DHODH: variants seen among roughly 807,000 people sequenced by gnomAD.
DHODH encodes the protein dihydroorotate dehydrogenase (quinone).
Under a neutral mutation model 39.7 loss-of-function variants are expected in DHODH, and 30 were observed. The observed-to-expected ratio is 0.76, with a 90% confidence interval of 0.57 to 1.02. The LOEUF (loss-of-function observed/expected upper bound fraction) is 1.02. DHODH is among the 50% of genes least tolerant of loss of function. The pLI, the probability that DHODH is intolerant of heterozygous loss-of-function variation, is 0.00. For missense variants in DHODH, 531 were observed against 520.8 expected, an observed-to-expected ratio of 1.02 and a Z score of -0.19; for synonymous variants, 222 against 213.8, an observed-to-expected ratio of 1.04 and a Z score of -0.34.
At chr16:72,022,274 G>A in intron 5 of DHODH, 88 bp from the exon 6 acceptor site, 1 of 953,944 alleles carries the variant, frequency 1.0e-6, no homozygotes, top group African/African-American at 1.6e-5. Context: ...CGCTATTGTG[G>A]AAACCCACTG....
In DHODH at chr16:72,021,210, G is replaced by T. The variant is rs757910086; in HGVS notation, c.604G>T (p.Gly202Cys). 1 of 1,611,652 alleles carries T rather than the reference G, an allele frequency of 6.2e-7. No individual in the cohort carries two copies. The highest frequency in any genetic ancestry group is 8.5e-7 in the Non-Finnish European group (1 of 1,179,154). The change falls in exon 5 of 9, where the codon GGC becomes TGC. Residue 202 changes from glycine (G) to cysteine (C), a missense_variant. Gly to Cys is a radical substitution (Grantham distance 159, BLOSUM62 -3). Transcript: ENST00000219240. The part of the protein sequence containing the change: ...EDYAEGVRVL[G>C]PLADYLVVNV... ...CTACGCAGAAGGGGTGCGCGTACTG[G>T]GCCCCCTGGCCGACTACCTGGTGGT...
chr16:72,009,514 A>G, intron 1 of DHODH, among the ~76,000 whole-genome samples: 1 of 143,494 alleles, frequency 7.0e-6, no homozygotes, highest in Non-Finnish European at 1.5e-5. Context: ...CGTCTCAAAA[A>G]AAAAAAAAAA....
At chr16:72,008,927 C>CT in intron 1 of DHODH, 142 bp downstream of exon 1, 1 of 1,527,914 alleles carries the variant, frequency 6.5e-7, no homozygotes, top group Non-Finnish European at 8.8e-7. Flanking sequence ...TTTCCGGGGT[C>CT]TCCTGCAAAT....
chr16:72,010,950 G>T (rs2335386), intron 1 of DHODH, among the ~76,000 whole-genome samples: 152,023 of 152,240 alleles, frequency 1, 75,903 homozygotes, highest in Middle Eastern at 1. Context: ...GGTCTCAAGC[G>T]CCTGAGCTCA....
chr16:72,022,455 A>AT lies in DHODH; in HGVS notation c.801dup (p.Ala268CysfsTer32). The AT allele has an allele frequency of 6.4e-7, 1 of 1,554,324 alleles. No individual in the cohort carries two copies. Among genetic ancestry groups the AT allele is most frequent in the Non-Finnish European group, 8.7e-7 (1 of 1,148,636 alleles). On this transcript the variant is annotated frameshift_variant, in exon 6 of 9. Coordinates refer to ENST00000219240, the MANE Select transcript of DHODH (RefSeq NM_001361.5). LOFTEE classifies it high-confidence loss of function. ...CCTCACCAGCCAGGATAAGGAGGACATTGCCAGTGTGGTCAAAGAGGTTTG... is the reference window on the plus strand; with the variant it reads ...CCTCACCAGCCAGGATAAGGAGGACATTTGCCAGTGTGGTCAAAGAGGTTTG...
Position 72,021,300 on chromosome 16 carries a change from C to A in DHODH, c.694C>A (p.Leu232Met). ...SLQGKAELRR[L>M]LTKVLQERDG... The stretch of plus-strand genomic sequence containing the variant: ...TCAGGGAAAGGCCGAGCTGCGCCGC[C>A]TGCTGACCAAGGTGGGCAGCTGCAC... Residue 232 changes from leucine to methionine, a missense_variant, in exon 5 of 9, where the codon CTG becomes ATG. Coordinates refer to ENST00000219240, the MANE Select transcript of DHODH (RefSeq NM_001361.5). 6.2e-7 allele frequency: 1 copy of A among 1,606,870 alleles called. No homozygotes were observed. Among genetic ancestry groups the A allele is most frequent in the Non-Finnish European group, 8.5e-7 (1 of 1,178,080 alleles).
chr16:72,024,041 GC>G (rs1238981223), intron 8 of DHODH, 103 bp from the exon 9 acceptor site: 26 of 1,190,732 alleles, frequency 2.2e-5, no homozygotes, highest in Non-Finnish European at 3.1e-5. Flanking sequence ...AACCAGATGT[GC>G]CTGGGCCGGG....
chr16:72,022,753 C>T (rs1056205173), intron 6 of DHODH, among the ~76,000 whole-genome samples: 2 of 152,204 alleles, frequency 1.3e-5, no homozygotes, highest in African/African-American at 4.8e-5. Flanking sequence ...TTGACTGGGA[C>T]TGAAAATTCT....
Position 72,017,111 on chromosome 16 carries a change from A to G in DHODH, c.517+5A>G, listed in dbSNP as rs1379257925. On this transcript the variant is annotated splice_donor_5th_base_variant and intron_variant, in intron 4 of 8. Transcript: ENST00000219240. ...AGCAGGCCAAGCTCACAGAAGGTAA[A>G]GTGGGGTTGTGTCAGTGGGCCTTTC... The G allele has an allele frequency of 1.2e-6, 2 of 1,613,920 alleles. No individual in the cohort carries two copies. The highest frequency in any genetic ancestry group is 1.1e-5 in the South Asian group (1 of 91,080).
chr16:72,015,425 AG>A (rs1000254272), intron 3 of DHODH, among the ~76,000 whole-genome samples: 1 of 152,248 alleles, frequency 6.6e-6, no homozygotes, highest in African/African-American at 2.4e-5. Context: ...GACTGTATAA[AG>A]CCCTTCCCTT....
At chr16:72,015,191 T>G (rs1408512458) in intron 3 of DHODH, among the ~76,000 whole-genome samples, 1 of 152,224 alleles carries the variant, frequency 6.6e-6, no homozygotes, top group Non-Finnish European at 1.5e-5. Flanking sequence ...CCATAAAAAG[T>G]ATTAATTCGC....
intron 4 of DHODH, chr16:72,020,331 A>ATATATATATATATATATATGTG (rs2041191893): frequency 1.1e-4 from 3 of 26,096 alleles, no homozygotes; most frequent in Admixed American, 6.5e-4. Context: ...GTATATGTGT[A>ATATATATATATATATATATGTG]TATATATATA....
intron 1 of DHODH, among the ~76,000 whole-genome samples, chr16:72,011,311 C>A (rs909322063): frequency 6.6e-6 from 1 of 152,160 alleles, no homozygotes; most frequent in Non-Finnish European, 1.5e-5. Context: ...GTACAGTTGT[C>A]CCTCAATTTA....
At chr16:72,009,154 T>C (rs2041053843) in intron 1 of DHODH, 3 of 1,122,396 alleles carry the variant, frequency 2.7e-6, no homozygotes, top group African/African-American at 1.6e-5. Flanking sequence ...TTAGGTAAAG[T>C]TTTGTTAGGG....
chr16:72,011,800 T>C (rs1311183747), intron 1 of DHODH, among the ~76,000 whole-genome samples: 2 of 152,160 alleles, frequency 1.3e-5, no homozygotes, highest in Non-Finnish European at 2.9e-5. Flanking sequence ...ACGATCACCC[T>C]AGGGGACAGT....
intron 1 of DHODH, chr16:72,009,140 C>T (rs4788597): frequency 0.37 from 430,525 of 1,159,170 alleles, 82,921 homozygotes; most frequent in East Asian, 0.69. Flanking sequence ...TGCTCCCAAC[C>T]CTTTTAGGTA....
chr16:72,015,313 G>T (rs7184117), intron 3 of DHODH, among the ~76,000 whole-genome samples: 18,090 of 152,214 alleles, frequency 0.12, 1,995 homozygotes, highest in African/African-American at 0.3. Context: ...AGCCACATGC[G>T]GCCAGCAGGC....
chr16:72,016,462 C>A, intron 3 of DHODH: 1 of 175,266 alleles, frequency 5.7e-6, no homozygotes, highest in Non-Finnish European at 1.3e-5. Flanking sequence ...TGCTCACCCT[C>A]AAGAAGATTG....
At chr16:72,016,492 A>C (rs982929271) in intron 3 of DHODH, 2 of 193,532 alleles carry the variant, frequency 1.0e-5, no homozygotes, top group East Asian at 2.3e-4. Flanking sequence ...GACCTTAAGC[A>C]TATATGTATG....
Sources: allele counts gnomAD v4.1 joint callset (sites outside exome capture counted in the v4.1 genomes callset), GRCh38; gene constraint gnomAD v4.1.1; transcripts MANE v1.5; gene names NCBI Gene and HGNC (gene_info 2026-07-23, HGNC 2026-07-21).